Variants in ITGA9 observed in about 807,000 individuals in gnomAD.
ITGA9 encodes the protein integrin alpha-9.
ITGA9 carries 56 observed loss-of-function variants against 127.8 expected under a neutral mutation model. The ratio of observed to expected loss-of-function variants is 0.44; its 90% CI spans 0.35 to 0.55. The LOEUF (loss-of-function observed/expected upper bound fraction) is 0.55. ITGA9 is among the 20% of genes least tolerant of loss of function. ITGA9 has a pLI of 0.00. For synonymous variants in ITGA9, 508 were observed against 514.5 expected, an observed-to-expected ratio of 0.99 and a Z score of 0.17; for missense variants, 1,196 against 1,347.1, an observed-to-expected ratio of 0.89 and a Z score of 1.76.
chr3:37,585,770 T>C (rs2125612262), intron 15 of ITGA9: 1 of 332,434 alleles, frequency 3.0e-6, no homozygotes, highest in South Asian at 2.3e-5. Context: ...GCAGTGTATT[T>C]GGTTTTCTTA....
At chr3:37,751,450 T>G (rs1425412825) in intron 23 of ITGA9, among the ~76,000 whole-genome samples, 1 of 152,192 alleles carries the variant, frequency 6.6e-6, no homozygotes, top group Non-Finnish European at 1.5e-5. Context: ...GTTCTCTTCC[T>G]AGAGCATGCT....
At chr3:37,526,835 C>T (rs1017111883) in intron 13 of ITGA9, among the ~76,000 whole-genome samples, 2 of 152,242 alleles carry the variant, frequency 1.3e-5, no homozygotes, top group Non-Finnish European at 1.5e-5. Context: ...TGTAGTTCCA[C>T]ACCCCAGATC....
At chr3:37,773,532 A>G (rs899164936) in intron 23 of ITGA9, among the ~76,000 whole-genome samples, 1 of 152,226 alleles carries the variant, frequency 6.6e-6, no homozygotes, top group African/African-American at 2.4e-5. Context: ...ATGCCTAAAT[A>G]TAGGGCAAGC....
chr3:37,796,283 T>C (rs1697172678), intron 26 of ITGA9, among the ~76,000 whole-genome samples: 1 of 152,190 alleles, frequency 6.6e-6, no homozygotes, highest in South Asian at 2.1e-4. Context: ...GAGGATCTTT[T>C]ATCATCATGA....
chr3:37,734,125 G>C (rs543128716), intron 19 of ITGA9, among the ~76,000 whole-genome samples: 1 of 152,186 alleles, frequency 6.6e-6, no homozygotes, highest in Admixed American at 6.5e-5. Flanking sequence ...ATGACTCCTC[G>C]GATTTTTTTC....
chr3:37,671,983 C>G (rs1035290122), intron 17 of ITGA9, among the ~76,000 whole-genome samples: 13 of 152,000 alleles, frequency 8.6e-5, no homozygotes, highest in African/African-American at 3.1e-4. Context: ...AAAACAAAAG[C>G]AGAACTTAAT....
At chr3:37,724,508 T>G (rs1701225785) in intron 18 of ITGA9, among the ~76,000 whole-genome samples, 1 of 152,172 alleles carries the variant, frequency 6.6e-6, no homozygotes, top group Non-Finnish European at 1.5e-5. Flanking sequence ...GTCTCCTTTT[T>G]TTTTGAGACA....
intron 26 of ITGA9, among the ~76,000 whole-genome samples, chr3:37,793,438 G>A (rs1035389140): frequency 6.6e-5 from 8 of 120,916 alleles, no homozygotes; most frequent in African/African-American, 9.0e-5. Flanking sequence ...ACACACACAC[G>A]TGCACACACA....
intron 15 of ITGA9, among the ~76,000 whole-genome samples, chr3:37,608,486 A>T (rs1296028604): frequency 6.6e-6 from 1 of 152,224 alleles, no homozygotes; most frequent in African/African-American, 2.4e-5. Context: ...TTGTAGTTTT[A>T]TAAAGAATGC....
At chr3:37,598,029 A>G (rs1699884954) in intron 15 of ITGA9, among the ~76,000 whole-genome samples, 2 of 152,376 alleles carry the variant, frequency 1.3e-5, no homozygotes, top group African/African-American at 4.8e-5. Flanking sequence ...CCTATTTGCA[A>G]CAGTCACTAA....
chr3:37,694,644 C>A lies in ITGA9; in HGVS notation c.2067+10629C>A, dbSNP rs150561265. Among the ~76,000 whole-genome samples, 715 of 152,298 alleles carry A rather than the reference C, an allele frequency of 4.7e-3. 10 individuals carry two copies. Among genetic ancestry groups the A allele is most frequent in the South Asian group, 0.03 (144 of 4,830 alleles). On this transcript the variant is annotated intron_variant, in intron 18 of 27. Transcript: ENST00000264741. Reference sequence around the variant, plus strand: ...AATTAAGAAGGACGTTTCCCAGAGCCGCAAGACTTGAGTGAATCTGTGGGG... The same window carrying A: ...AATTAAGAAGGACGTTTCCCAGAGCAGCAAGACTTGAGTGAATCTGTGGGG...
intron 14 of ITGA9, among the ~76,000 whole-genome samples, chr3:37,537,352 C>T (rs1357233035): frequency 6.6e-6 from 1 of 152,166 alleles, no homozygotes; most frequent in Non-Finnish European, 1.5e-5. Flanking sequence ...TCCAGCCTTG[C>T]AGGCTCCCTC....
intron 23 of ITGA9, 150 bp from the exon 24 acceptor site, chr3:37,777,242 C>G: frequency 1.2e-6 from 1 of 853,472 alleles, no homozygotes; most frequent in African/African-American, 1.7e-5. Flanking sequence ...TTCTGCCTTT[C>G]AGCTTTTCAG....
intron 17 of ITGA9, among the ~76,000 whole-genome samples, chr3:37,682,235 A>G (rs1405926096): frequency 6.6e-6 from 1 of 152,152 alleles, no homozygotes; most frequent in Non-Finnish European, 1.5e-5. Context: ...TTCTCCTCCT[A>G]CATCTCTGAA....
intron 11 of ITGA9, among the ~76,000 whole-genome samples, chr3:37,521,374 A>C (rs954787690): frequency 6.6e-6 from 1 of 152,116 alleles, no homozygotes; most frequent in Admixed American, 6.5e-5. Context: ...CAGGGCCTAC[A>C]CTTCTTCCAC....
intron 15 of ITGA9, among the ~76,000 whole-genome samples, chr3:37,568,992 C>A (rs1239398401): frequency 6.6e-6 from 1 of 152,110 alleles, no homozygotes; most frequent in South Asian, 2.1e-4. Context: ...TGTATTAGTC[C>A]GTTTTCACAC....
At chr3:37,483,289 C>A (rs78117742) in intron 4 of ITGA9, among the ~76,000 whole-genome samples, 10,452 of 152,200 alleles carry the variant, frequency 0.069, 541 homozygotes, top group African/African-American at 0.15. Context: ...CATGTGTACG[C>A]AGGTCCACGA....
At chr3:37,674,409 C>CTT (rs1346642229) in intron 17 of ITGA9, among the ~76,000 whole-genome samples, 1 of 152,194 alleles carries the variant, frequency 6.6e-6, no homozygotes, top group East Asian at 1.9e-4. Context: ...GGTGGGGAAG[C>CTT]TGAGAGCAGC....
chr3:37,566,412 C>T (rs780494232), intron 15 of ITGA9, among the ~76,000 whole-genome samples: 5 of 152,196 alleles, frequency 3.3e-5, no homozygotes, highest in African/African-American at 7.2e-5. Context: ...GGGAACTACT[C>T]TATGGAAAGA....
Sources: gnomAD v4.1 joint callset for allele counts (sites outside exome capture counted in the v4.1 genomes callset) on GRCh38, gnomAD v4.1.1 for gene constraint, MANE v1.5 for transcripts, NCBI Gene and HGNC (gene_info 2026-07-23, HGNC 2026-07-21) for gene names.